Variants in INPP4B observed in about 807,000 individuals in gnomAD.
The protein encoded by INPP4B is inositol polyphosphate 4-phosphatase type II.
In INPP4B, 55 loss-of-function variants were observed where a neutral mutation model predicts 122.5. The observed-to-expected ratio is 0.45, with a 90% CI of 0.36 to 0.56. The LOEUF is 0.56. Among genes scored for constraint, INPP4B ranks in the 20% least tolerant of loss-of-function variants. The pLI is 0.00. For missense variants in INPP4B, 1,000 were observed against 1,097.7 expected (o/e 0.91, Z 1.26); for synonymous variants, 403 against 388.7 (o/e 1.04, Z -0.43).
intron 2 of INPP4B, among the ~76,000 whole-genome samples, chr4:142,553,647 C>G (rs1176811736): frequency 6.6e-6 from 1 of 152,200 alleles, no homozygotes; most frequent in Non-Finnish European, 1.5e-5. Context: ...CAGGCATGAG[C>G]TACTGTACTC....
chr4:142,669,232 C>T (rs1756632536), intron 2 of INPP4B, among the ~76,000 whole-genome samples: 2 of 151,922 alleles, frequency 1.3e-5, no homozygotes, highest in South Asian at 4.1e-4. Context: ...TGTTAAATTG[C>T]TCATAGTACC....
intron 2 of INPP4B, among the ~76,000 whole-genome samples, chr4:142,721,682 G>C (rs985681734): frequency 7.2e-5 from 11 of 152,058 alleles, no homozygotes; most frequent in African/African-American, 2.7e-4. Context: ...TTAGCCGGGC[G>C]TGGTAGCGCG....
intron 15 of INPP4B, among the ~76,000 whole-genome samples, chr4:142,189,694 G>A (rs575419049): frequency 1.8e-4 from 27 of 152,056 alleles, no homozygotes; most frequent in Admixed American, 1.5e-3. Context: ...GAAACAGAAC[G>A]AGGAAAAAGG....
At chr4:142,271,510 C>T (rs532067546) in intron 9 of INPP4B, among the ~76,000 whole-genome samples, 1 of 152,296 alleles carries the variant, frequency 6.6e-6, no homozygotes, top group South Asian at 2.1e-4. Context: ...ATATTCTTAT[C>T]TTCCTCTATG....
At chr4:142,793,159 C>T (rs1776783619) in intron 1 of INPP4B, among the ~76,000 whole-genome samples, 1 of 152,042 alleles carries the variant, frequency 6.6e-6, no homozygotes, top group Non-Finnish European at 1.5e-5. Context: ...TATGGAATAC[C>T]CACAAGGATG....
rs528805900 is a variant in INPP4B at position 142,808,820 on chromosome 4, G to A, written c.-254+37389C>T. Among the ~76,000 whole-genome samples, 48 of 152,118 alleles carry A rather than the reference G, an allele frequency of 3.2e-4. No individual in the cohort carries two copies. In the South Asian group the frequency reaches 9.8e-3, roughly 31 times the overall value. ...TTATTATAGTAAAGATTTTGAATCT[G>A]AAGAATTTTAGGATGAAAATCATCT... On this transcript the variant is annotated intron_variant, in intron 1 of 25. Transcript: ENST00000262992.
chr4:142,544,830 T>A (rs544472614), intron 2 of INPP4B, among the ~76,000 whole-genome samples: 1 of 152,298 alleles, frequency 6.6e-6, no homozygotes, highest in African/African-American at 2.4e-5. Context: ...TTCTGAATTG[T>A]TACTGTATTT....
At chr4:142,779,302 AAAC>A (rs372857343) in intron 1 of INPP4B, among the ~76,000 whole-genome samples, 6 of 152,236 alleles carry the variant, frequency 3.9e-5, no homozygotes, top group African/African-American at 1.2e-4. Context: ...CTAGGACCCC[AAAC>A]AACATTGGTA....
intron 11 of INPP4B, among the ~76,000 whole-genome samples, chr4:142,250,147 A>G (rs1391573911): frequency 2.0e-5 from 3 of 152,164 alleles, no homozygotes; most frequent in Non-Finnish European, 4.4e-5. Context: ...ATGGAATTGT[A>G]AATTCTGTCC....
intron 1 of INPP4B, among the ~76,000 whole-genome samples, chr4:142,771,340 G>A (rs2151000119): frequency 6.6e-6 from 1 of 152,238 alleles, no homozygotes; most frequent in Non-Finnish European, 1.5e-5. Flanking sequence ...CATTGGAGAA[G>A]TTTTAAAACG....
At position 142,753,275 on chromosome 4, in the gene INPP4B, G is replaced by T. The variant is rs936050774; in HGVS notation, c.-253-27374C>A. On this transcript the variant is annotated intron_variant, in intron 1 of 25. Coordinates refer to ENST00000262992, the MANE Select transcript of INPP4B (RefSeq NM_001101669.3). ...TTTTTTCAAGGTTAAACTTCTAAAT[G>T]TACATGGAGGAGTGGTCAAAAATAA... Among the ~76,000 whole-genome samples, 3 of 151,996 alleles carry T rather than the reference G, an allele frequency of 2.0e-5. No individual in the cohort carries two copies. The East Asian group carries it at 5.8e-4, about 29-fold the overall frequency.
At position 142,617,417 on chromosome 4, in the gene INPP4B, T is replaced by C. The variant is rs1325541703; in HGVS notation, c.-191+108422A>G. 2.6e-5 allele frequency among the ~76,000 whole-genome samples: 4 copies of C among 152,160 alleles called. No individual in the cohort carries two copies. The East Asian group carries it at 7.8e-4, about 30-fold the overall frequency. On this transcript the variant is annotated intron_variant, in intron 2 of 25. Coordinates refer to ENST00000262992, the MANE Select transcript of INPP4B (RefSeq NM_001101669.3). The stretch of plus-strand genomic sequence containing the variant: ...ACAGGGATGACAGCTGGAGGCAAAA[T>C]GCTCAAGGGCAGCAACCATTGCTTG...
At chr4:142,798,846 T>G (rs372549452) in intron 1 of INPP4B, among the ~76,000 whole-genome samples, 5 of 149,186 alleles carry the variant, frequency 3.4e-5, no homozygotes, top group East Asian at 2.0e-4. Context: ...GTGTATATGT[T>G]TGTGTGTGTG....
At chr4:142,502,998 TAA>T (rs1424464516) in intron 2 of INPP4B, among the ~76,000 whole-genome samples, 1 of 152,160 alleles carries the variant, frequency 6.6e-6, no homozygotes, top group Admixed American at 6.6e-5. Context: ...TTGGAAGCTA[TAA>T]GACATTGGAA....
At chr4:142,469,419 T>C (rs550008184) in intron 2 of INPP4B, among the ~76,000 whole-genome samples, 11 of 152,192 alleles carry the variant, frequency 7.2e-5, no homozygotes, top group African/African-American at 2.2e-4. Context: ...ACAGCATAAA[T>C]ATCAATTCCT....
chr4:142,098,335 AAAAC>A (rs1476005300), intron 23 of INPP4B, among the ~76,000 whole-genome samples: 2 of 152,092 alleles, frequency 1.3e-5, no homozygotes, highest in African/African-American at 2.4e-5. Context: ...TTTTATTCTG[AAAAC>A]AAACAAACAA....
At chr4:142,658,128 A>T (rs1754494061) in intron 2 of INPP4B, among the ~76,000 whole-genome samples, 1 of 152,244 alleles carries the variant, frequency 6.6e-6, no homozygotes, top group African/African-American at 2.4e-5. Flanking sequence ...AACCATGAAG[A>T]TAACCAAATT....
At chr4:142,823,136 C>A (rs1781002091) in intron 1 of INPP4B, among the ~76,000 whole-genome samples, 1 of 152,170 alleles carries the variant, frequency 6.6e-6, no homozygotes, top group East Asian at 1.9e-4. Flanking sequence ...GAACTAGTCA[C>A]TTGGCCACCC....
At position 142,405,310 on chromosome 4, in the gene INPP4B, C is replaced by G; in HGVS notation, c.151G>C (p.Val51Leu). The G allele has an allele frequency of 6.2e-7, 1 of 1,608,970 alleles. No individual in the cohort carries two copies. The highest frequency in any genetic ancestry group is 8.5e-7 in the Non-Finnish European group (1 of 1,175,808). Reference sequence around the variant, plus strand: ...AGTTTACGATCACGGACAGGAGCCACGAGATCCTTGCATGCTGGCAACGGC... The same window carrying G: ...AGTTTACGATCACGGACAGGAGCCAGGAGATCCTTGCATGCTGGCAACGGC... The part of the protein sequence containing the change: ...LEFILACKDL[V>L]APVRDRKLNT... The change falls in exon 6 of 26, where the codon GTG (valine) becomes CTG (leucine). Residue 51 changes from valine (V) to leucine (L), a missense_variant. Val to Leu is a conservative substitution (Grantham distance 32). Coordinates refer to ENST00000262992, the MANE Select transcript of INPP4B (RefSeq NM_001101669.3).
Sources: gnomAD v4.1 joint callset for allele counts (sites outside exome capture counted in the v4.1 genomes callset) on GRCh38, gnomAD v4.1.1 for gene constraint, MANE v1.5 for transcripts, NCBI Gene and HGNC (gene_info 2026-07-23, HGNC 2026-07-21) for gene names.